The following KCNH5 variants were observed in gnomAD, a reference collection of about 807,000 sequenced individuals.
KCNH5 encodes potassium voltage-gated channel subfamily H member 5.
KCNH5 carries 46 observed loss-of-function variants against 96.1 expected under a neutral mutation model. The ratio of observed to expected loss-of-function variants is 0.48; its 90% CI spans 0.38 to 0.61. The LOEUF (loss-of-function observed/expected upper bound fraction) is 0.61, where lower values mean the gene tolerates loss of function less well. Among genes scored for constraint, KCNH5 ranks in the 20% least tolerant of loss-of-function variants. The probability of loss-of-function intolerance (pLI) is 0.00; values close to 1 mark genes in which losing one functional copy is unlikely to be tolerated. For missense variants in KCNH5, 907 were observed against 1,225.8 expected (o/e 0.74, Z 3.88); for synonymous variants, 439 against 449.8 (o/e 0.98, Z 0.30).
At chr14:62,924,111 A>G (rs1889428463) in intron 7 of KCNH5, among the ~76,000 whole-genome samples, 1 of 152,062 alleles carries the variant, frequency 6.6e-6, no homozygotes, top group African/African-American at 2.4e-5. Flanking sequence ...AGGAACCCAT[A>G]CAACTCAAAA....
chr14:62,892,694 C>T (rs1888734973), intron 7 of KCNH5, among the ~76,000 whole-genome samples: 1 of 152,136 alleles, frequency 6.6e-6, no homozygotes, highest in Admixed American at 6.5e-5. Context: ...CATCTTGAAG[C>T]CAGAGCTCAC....
intron 7 of KCNH5, among the ~76,000 whole-genome samples, chr14:62,891,002 C>T (rs1234798813): frequency 6.6e-6 from 1 of 152,114 alleles, no homozygotes; most frequent in East Asian, 1.9e-4. Flanking sequence ...TATGGCGATT[C>T]CTCAAAGAGC....
intron 9 of KCNH5, among the ~76,000 whole-genome samples, chr14:62,789,699 A>G (rs1461299162): frequency 3.3e-5 from 5 of 151,896 alleles, no homozygotes; most frequent in Admixed American, 1.3e-4. Context: ...GCACCTTTTC[A>G]TATACCTGAT....
At chr14:62,896,597 T>C (rs1467808847) in intron 7 of KCNH5, among the ~76,000 whole-genome samples, 1 of 152,204 alleles carries the variant, frequency 6.6e-6, no homozygotes, top group African/African-American at 2.4e-5. Context: ...GTAGCACATG[T>C]TGTCCATCCA....
At chr14:62,736,125 T>G (rs1214518891) in intron 10 of KCNH5, among the ~76,000 whole-genome samples, 1 of 152,168 alleles carries the variant, frequency 6.6e-6, no homozygotes, top group East Asian at 1.9e-4. Context: ...CTCATGCAAT[T>G]CCCAATGCTT....
At chr14:62,854,857 AAAGATGGAAT>A (rs1887898950) in intron 7 of KCNH5, among the ~76,000 whole-genome samples, 1 of 149,984 alleles carries the variant, frequency 6.7e-6, no homozygotes, top group African/African-American at 2.4e-5. Context: ...ATGACACACA[AAAGATGGAAT>A]ATAGACCTTG....
chr14:63,024,360 T>C (rs917016195), intron 1 of KCNH5, among the ~76,000 whole-genome samples: 2 of 151,718 alleles, frequency 1.3e-5, no homozygotes, highest in Non-Finnish European at 1.5e-5. Flanking sequence ...TCAACTAATA[T>C]TATAGCTCAG....
Position 62,802,545 on chromosome 14 carries a change from T to G in KCNH5, c.1606A>C (p.Ile536Leu). Residue 536 changes from isoleucine (I) to leucine (L), a missense_variant, in exon 9 of 11, where the codon ATC becomes CTC. By Grantham distance (5) the Ile-to-Leu change is conservative. Around this residue, in one of 6 missense-constraint regions of KCNH5, gnomAD observed 95 missense variants for 111.8 expected, o/e 0.85. Transcript: ENST00000322893. Reference protein sequence around the residue: ...SICPKDMRADICVHLNRKVFN... With the variant: ...SICPKDMRADLCVHLNRKVFN... The stretch of plus-strand genomic sequence containing the variant: ...ACCTTCCGGTTTAGATGAACACAGA[T>G]ATCAGCTCTCATGTCCTTGGGACAG... The G allele has an allele frequency of 1.9e-6, 3 of 1,614,106 alleles. No homozygotes were observed. The highest frequency in any genetic ancestry group is 2.5e-6 in the Non-Finnish European group (3 of 1,179,994).
intron 2 of KCNH5, among the ~76,000 whole-genome samples, chr14:63,012,996 G>GA (rs76956667): frequency 0.27 from 40,399 of 148,424 alleles, 6,224 homozygotes; most frequent in East Asian, 0.57. Context: ...GAAATAAAAG[G>GA]AAAAAAATAA....
At chr14:62,773,797 C>T (rs1886039805) in intron 10 of KCNH5, among the ~76,000 whole-genome samples, 1 of 152,132 alleles carries the variant, frequency 6.6e-6, no homozygotes, top group South Asian at 2.1e-4. Context: ...AAATGAAATT[C>T]GCTTGACTGC....
chr14:62,805,189 T>A lies in KCNH5; in HGVS notation c.1570-2608A>T, dbSNP rs1409791484. 2.0e-5 allele frequency among the ~76,000 whole-genome samples: 3 copies of A among 152,304 alleles called. No individual in the cohort carries two copies. The East Asian group carries it at 5.8e-4, about 29-fold the overall frequency. On this transcript the variant is annotated intron_variant, in intron 8 of 10. Coordinates refer to ENST00000322893, the MANE Select transcript of KCNH5 (RefSeq NM_139318.5). ...ACATAGGACTTTCATTGTTTTCTAT[T>A]CATTTTGGTAATAGTCATGTTATTT...
chr14:62,883,434 A>G (rs1474095833), intron 7 of KCNH5, among the ~76,000 whole-genome samples: 1 of 152,194 alleles, frequency 6.6e-6, no homozygotes, highest in African/African-American at 2.4e-5. Flanking sequence ...GGCTCAGGAC[A>G]AGGGTAACTC....
chr14:62,769,089 A>C (rs80071321), intron 10 of KCNH5, among the ~76,000 whole-genome samples: 1,768 of 152,330 alleles, frequency 0.012, 33 homozygotes, highest in African/African-American at 0.04. Context: ...GCCAGCTTGG[A>C]GTTGAAAAAC....
intron 7 of KCNH5, among the ~76,000 whole-genome samples, chr14:62,920,724 G>C (rs557166726): frequency 2.0e-5 from 3 of 152,142 alleles, no homozygotes; most frequent in Admixed American, 2.0e-4. Context: ...AAATCTGAAA[G>C]ACCAATCAAT....
chr14:62,878,264 G>A (rs1888422975), intron 7 of KCNH5, among the ~76,000 whole-genome samples: 2 of 151,490 alleles, frequency 1.3e-5, no homozygotes, highest in African/African-American at 4.9e-5. Context: ...TAGTTAATGG[G>A]TCCAGCACAC....
intron 7 of KCNH5, among the ~76,000 whole-genome samples, chr14:62,877,391 A>G (rs923975917): frequency 2.6e-5 from 4 of 152,178 alleles, no homozygotes; most frequent in African/African-American, 9.6e-5. Context: ...AGAAACTACC[A>G]TCAGAGTGAA....
At chr14:62,834,709 A>C (rs1206900921) in intron 8 of KCNH5, among the ~76,000 whole-genome samples, 1 of 152,092 alleles carries the variant, frequency 6.6e-6, no homozygotes, top group African/African-American at 2.4e-5. Context: ...CACTGAGTAT[A>C]TAATGGTTTC....
intron 9 of KCNH5, among the ~76,000 whole-genome samples, chr14:62,788,002 A>G (rs1886353741): frequency 6.6e-6 from 1 of 152,188 alleles, no homozygotes; most frequent in African/African-American, 2.4e-5. Context: ...TCAAGGAGCA[A>G]TTTTGACTTT....
At chr14:62,726,515 A>G (rs1884928314) in intron 10 of KCNH5, among the ~76,000 whole-genome samples, 1 of 152,176 alleles carries the variant, frequency 6.6e-6, no homozygotes, top group African/African-American at 2.4e-5. Context: ...TAGCCATTAA[A>G]TATATGGGAC....
Sources: allele counts gnomAD v4.1 joint callset (sites outside exome capture counted in the v4.1 genomes callset), GRCh38; gene constraint gnomAD v4.1.1; regional missense constraint gnomAD v4.1.1; transcripts MANE v1.5; gene names NCBI Gene and HGNC (gene_info 2026-07-23, HGNC 2026-07-21).